PCM1: variants seen among roughly 807,000 people sequenced by gnomAD.
The protein encoded by PCM1 is pericentriolar material 1 protein.
PCM1 carries 157 observed loss-of-function variants against 241.9 expected under a neutral mutation model. The observed-to-expected ratio is 0.65, with a 90% CI of 0.57 to 0.74. The LOEUF (loss-of-function observed/expected upper bound fraction) is 0.74, where lower values mean the gene tolerates loss of function less well. Ranked by LOEUF, PCM1 falls within the 30% of genes least tolerant of loss-of-function variation. PCM1 has a pLI of 0.00. For missense variants in PCM1, 3,478 were observed against 2,360.1 expected (o/e 1.47, Z -9.81); for synonymous variants, 1,085 against 784.9 (o/e 1.38, Z -6.39).
At chr8:17,964,045 T>C (rs1440990423) in intron 17 of PCM1, among the ~76,000 whole-genome samples, 1 of 152,244 alleles carries the variant, frequency 6.6e-6, no homozygotes, top group African/African-American at 2.4e-5. Context: ...GATGAGCATC[T>C]GGTTTCAGAA....
intron 15 of PCM1, among the ~76,000 whole-genome samples, chr8:17,960,809 A>G (rs1313136571): frequency 6.6e-6 from 1 of 151,810 alleles, no homozygotes; most frequent in Non-Finnish European, 1.5e-5. Flanking sequence ...CAGGCGCGAG[A>G]AACTACTCTT....
chr8:17,937,227 A>T lies in PCM1; in HGVS notation c.190A>T (p.Ile64Phe). The T allele has an allele frequency of 2.5e-6, 4 of 1,608,508 alleles. No individual in the cohort carries two copies. Among genetic ancestry groups the T allele is most frequent in the Non-Finnish European group, 3.4e-6 (4 of 1,176,384 alleles). ...VESDKRVTNDISPESSPGVGR... is the reference protein window; with the variant it reads ...VESDKRVTNDFSPESSPGVGR... The stretch of plus-strand genomic sequence containing the variant: ...AAGTGATAAAAGAGTAACCAATGAT[A>T]TTTCTCCGGAGTCGTCACCAGGAGT... The change falls in exon 4 of 39, where the codon ATT (isoleucine) becomes TTT (phenylalanine). Residue 64 changes from isoleucine (I) to phenylalanine (F), a missense_variant. Physicochemically the swap from Ile to Phe is conservative, Grantham distance 21 (BLOSUM62 0). Transcript: ENST00000325083.
rs974691412 is a variant in PCM1, at chr8:17,966,145, A to G, written c.3002A>G (p.Glu1001Gly). ...SYVEEKEQWQ[E>G]QINQLKKQLD... ...GTAGAAGAGAAAGAACAATGGCAAG[A>G]ACAAATCAATCAGCTAAAGAAACAG... Residue 1001 changes from glutamate (E) to glycine (G), a missense_variant, in exon 19 of 39, where the codon GAA becomes GGA. Transcript: ENST00000325083. The G allele has an allele frequency of 3.7e-6, 6 of 1,613,894 alleles. No homozygotes were observed. The African/African-American group carries it at 8.0e-5, about 22-fold the overall frequency.
chr8:17,980,502 TTACCTG>T, intron 23 of PCM1, 83 bp from the exon 24 acceptor site: 1 of 1,000,512 alleles, frequency 1.0e-6, no homozygotes. Flanking sequence ...GTAAATTGAG[TTACCTG>T]TACTGTTACA....
At chr8:17,937,931 T>G (rs1259424176) in intron 4 of PCM1, among the ~76,000 whole-genome samples, 3 of 152,220 alleles carry the variant, frequency 2.0e-5, no homozygotes, top group African/African-American at 7.2e-5. Flanking sequence ...ATGTTGGTAA[T>G]GATCATGTAT....
rs185633801 is a variant in PCM1, at chr8:17,957,595, T to C, written c.1860T>C (p.Asp620=). ...AGATTCATGTTGCACAAGGTGAAGA[T>C]GATGAGGAGGAGGAGGAAGAAGCAG... ...EQEIHVAQGE[D]DEEEEEEAEE... is the part of the protein sequence containing the mutation. The change falls in exon 13 of 39, where the codon GAT becomes GAC. Residue 620 remains aspartate, a synonymous_variant. Transcript: ENST00000325083. The C allele has an allele frequency of 4.2e-5, 66 of 1,573,004 alleles. No individual in the cohort carries two copies. In the African/African-American group the frequency reaches 7.9e-4, roughly 19 times the overall value.
chr8:18,018,681 T>G (rs7001841), intron 36 of PCM1, among the ~76,000 whole-genome samples: 1 of 150,744 alleles, frequency 6.6e-6, no homozygotes, highest in East Asian at 2.0e-4. Flanking sequence ...AGTGCTGATG[T>G]ACACCTGTAG....
chr8:17,938,347 G>A (rs889816474), intron 4 of PCM1, among the ~76,000 whole-genome samples: 10 of 152,024 alleles, frequency 6.6e-5, no homozygotes, highest in Non-Finnish European at 1.3e-4. Context: ...AAACATAAAT[G>A]AATTTTATGT....
At chr8:18,000,804 G>A (rs1221678095) in intron 29 of PCM1, among the ~76,000 whole-genome samples, 1 of 152,104 alleles carries the variant, frequency 6.6e-6, no homozygotes, top group Non-Finnish European at 1.5e-5. Flanking sequence ...TGTATTTTTA[G>A]TAGAGATGGT....
chr8:18,012,485 G>T (rs1588492011), intron 34 of PCM1, among the ~76,000 whole-genome samples: 1 of 152,120 alleles, frequency 6.6e-6, no homozygotes, highest in Admixed American at 6.5e-5. Flanking sequence ...GGGAAAAACA[G>T]TATAAATGGG....
intron 2 of PCM1, 95 bp from the exon 3 acceptor site, chr8:17,935,494 G>C: frequency 1.7e-6 from 1 of 602,402 alleles, no homozygotes; most frequent in South Asian, 2.2e-5. Context: ...AAAAATCAGT[G>C]CTTCAAAGAT....
intron 17 of PCM1, among the ~76,000 whole-genome samples, chr8:17,963,981 T>C (rs1419987139): frequency 6.6e-6 from 1 of 152,206 alleles, no homozygotes; most frequent in Non-Finnish European, 1.5e-5. Flanking sequence ...CAATATTTTA[T>C]TCTGTTCTGG....
intron 23 of PCM1, among the ~76,000 whole-genome samples, chr8:17,975,365 G>A (rs928612113): frequency 3.3e-5 from 5 of 152,100 alleles, no homozygotes; most frequent in South Asian, 2.1e-4. Context: ...GTTTCTCCAC[G>A]TTGGTCAGGC....
chr8:17,955,338 C>G (rs1445421973), intron 9 of PCM1, 132 bp from the exon 10 acceptor site: 1 of 609,634 alleles, frequency 1.6e-6, no homozygotes, highest in Non-Finnish European at 2.8e-6. Context: ...AAACAATTTT[C>G]TGAAATTTAA....
intron 6 of PCM1, among the ~76,000 whole-genome samples, chr8:17,940,719 T>G (rs1036950253): frequency 6.6e-6 from 1 of 152,216 alleles, no homozygotes; most frequent in African/African-American, 2.4e-5. Context: ...CTGTAATTGC[T>G]GACTTGGCAA....
chr8:18,012,711 C>T (rs1246443351), intron 34 of PCM1, among the ~76,000 whole-genome samples: 3 of 152,126 alleles, frequency 2.0e-5, no homozygotes, highest in Admixed American at 2.0e-4. Flanking sequence ...ACTGCCACAC[C>T]ATTTTCTCTT....
rs1444333311 is a variant in PCM1, at chr8:17,959,996, G to A, written c.2041-18G>A. ...CTTGAGGTATCAAGATTGTTTTAAT[G>A]TAATGATGCTCTTTCAGGATGATGA... On this transcript the variant is annotated intron_variant, in intron 13 of 38. Coordinates refer to ENST00000325083, the MANE Select transcript of PCM1 (RefSeq NM_006197.4). 6.2e-7 allele frequency: 1 copy of A among 1,609,822 alleles called. No individual in the cohort carries two copies.
At chr8:17,924,491 T>C (rs764490185) in intron 1 of PCM1, among the ~76,000 whole-genome samples, 21 of 152,230 alleles carry the variant, frequency 1.4e-4, no homozygotes, top group Non-Finnish European at 2.6e-4. Flanking sequence ...CTTTGCTGTT[T>C]GGTAAGATTT....
intron 6 of PCM1, among the ~76,000 whole-genome samples, chr8:17,944,962 A>G (rs2063310377): frequency 1.3e-5 from 2 of 152,288 alleles, no homozygotes; most frequent in African/African-American, 2.4e-5. Flanking sequence ...CTTTTTAGAA[A>G]GTACGCTTTT....
Sources: allele counts gnomAD v4.1 joint callset (sites outside exome capture counted in the v4.1 genomes callset), GRCh38; gene constraint gnomAD v4.1.1; transcripts MANE v1.5; gene names NCBI Gene and HGNC (gene_info 2026-07-23, HGNC 2026-07-21).